Variants in FAM81B observed in about 807,000 individuals in gnomAD.
FAM81B encodes family with sequence similarity 81 member B, also known as protein FAM81B.
Under a neutral mutation model 58.7 loss-of-function variants are expected in FAM81B, and 60 were observed. The ratio of observed to expected loss-of-function variants is 1.02; its 90% CI spans 0.83 to 1.27. FAM81B has a LOEUF of 1.27. FAM81B is among the 50% of genes most tolerant of loss of function. The pLI is 0.00. For synonymous variants in FAM81B, 189 were observed against 179.6 expected (o/e 1.05, Z -0.42); for missense variants, 491 against 522.0 (o/e 0.94, Z 0.58).
chr5:95,418,507 T>G (rs1762594532), intron 4 of FAM81B, among the ~76,000 whole-genome samples: 1 of 152,200 alleles, frequency 6.6e-6, no homozygotes, highest in Admixed American at 6.5e-5. Flanking sequence ...CTGTCGCACT[T>G]CAAGCTACAA....
chr5:95,425,053 A>G (rs529992534), intron 5 of FAM81B, among the ~76,000 whole-genome samples: 7 of 152,072 alleles, frequency 4.6e-5, no homozygotes, highest in Non-Finnish European at 7.4e-5. Flanking sequence ...ACCAAATGAA[A>G]AGAGATAGTT....
In FAM81B at chr5:95,427,411, A is replaced by C. The variant is rs544707609; in HGVS notation, c.657-1192A>C. Among the ~76,000 whole-genome samples, 4 of 152,068 alleles carry C rather than the reference A, an allele frequency of 2.6e-5. No individual in the cohort carries two copies. In the South Asian group the frequency reaches 8.3e-4, roughly 32 times the overall value. On this transcript the variant is annotated intron_variant, in intron 5 of 9. Transcript: ENST00000283357. ...CCATTCTTGATCAGACTAATTCCTA[A>C]TTTTTTCTCCCAGCAGCTTCTTCAC... is the stretch of plus-strand genomic sequence containing the variant.
intron 7 of FAM81B, among the ~76,000 whole-genome samples, chr5:95,441,861 T>C (rs1745371917): frequency 6.6e-6 from 1 of 152,212 alleles, no homozygotes; most frequent in Non-Finnish European, 1.5e-5. Context: ...TACTTAGTTC[T>C]TACACAGCAA....
At chr5:95,440,118 T>G in intron 7 of FAM81B, 1 of 549,978 alleles carries the variant, frequency 1.8e-6, no homozygotes, top group Non-Finnish European at 3.5e-6. Flanking sequence ...TTAAGAAACA[T>G]CCACAGCAGA....
At chr5:95,413,801 C>G in intron 3 of FAM81B, 146 bp from the exon 4 acceptor site, 1 of 1,379,348 alleles carries the variant, frequency 7.2e-7, no homozygotes. Context: ...TCACCAAATT[C>G]TAACCATGGC....
At chr5:95,406,470 C>T (rs1024132260) in intron 3 of FAM81B, among the ~76,000 whole-genome samples, 5 of 152,194 alleles carry the variant, frequency 3.3e-5, no homozygotes, top group Non-Finnish European at 7.3e-5. Context: ...CCAAGCATGC[C>T]AGGCCTTTAT....
intron 4 of FAM81B, among the ~76,000 whole-genome samples, chr5:95,417,802 C>T (rs886810929): frequency 2.6e-5 from 4 of 152,148 alleles, no homozygotes; most frequent in Non-Finnish European, 5.9e-5. Context: ...GTATACAATC[C>T]ACTTTCACAT....
chr5:95,414,266 A>T (rs752902795), intron 4 of FAM81B, 76 bp downstream of exon 4: 2 of 1,448,630 alleles, frequency 1.4e-6, no homozygotes, highest in Non-Finnish European at 1.9e-6. Context: ...ATCAACCATC[A>T]GTGTCATTTT....
intron 6 of FAM81B, among the ~76,000 whole-genome samples, chr5:95,429,672 C>T (rs1744793764): frequency 6.6e-6 from 1 of 152,130 alleles, no homozygotes; most frequent in South Asian, 2.1e-4. Flanking sequence ...AATAACATGG[C>T]AATTTTATCT....
At chr5:95,434,601 T>C (rs1243190864) in intron 6 of FAM81B, among the ~76,000 whole-genome samples, 1 of 152,238 alleles carries the variant, frequency 6.6e-6, no homozygotes, top group Non-Finnish European at 1.5e-5. Context: ...GGTTTCAGAC[T>C]GAGGGCATGG....
chr5:95,406,676 C>T lies in FAM81B; in HGVS notation c.294-7271C>T, dbSNP rs553253973. The stretch of plus-strand genomic sequence containing the variant: ...CGGCATCCACAGCACCACCCACACA[C>T]GCACCAGTTTAAAATAGCCCCCACC... On this transcript the variant is annotated intron_variant, in intron 3 of 9. Coordinates refer to ENST00000283357, the MANE Select transcript of FAM81B (RefSeq NM_152548.3). Among the ~76,000 whole-genome samples, 304 of 152,272 alleles carry T rather than the reference C, an allele frequency of 2.0e-3. 2 individuals are homozygous for T. Among genetic ancestry groups the T allele is most frequent in the African/African-American group, 6.9e-3 (285 of 41,538 alleles).
chr5:95,427,406 T>C (rs986343775), intron 5 of FAM81B, among the ~76,000 whole-genome samples: 26 of 152,054 alleles, frequency 1.7e-4, no homozygotes, highest in African/African-American at 6.0e-4. Flanking sequence ...TCAGACTAAT[T>C]CCTAATTTTT....
chr5:95,404,933 G>A (rs1561293073), intron 3 of FAM81B, among the ~76,000 whole-genome samples: 1 of 152,180 alleles, frequency 6.6e-6, no homozygotes, highest in Non-Finnish European at 1.5e-5. Flanking sequence ...AAGAATGGGA[G>A]GAAATGAGGT....
At chr5:95,423,549 A>T (rs1250326320) in intron 5 of FAM81B, among the ~76,000 whole-genome samples, 1 of 34,674 alleles carries the variant, frequency 2.9e-5, no homozygotes, top group Non-Finnish European at 1.0e-4. Context: ...CATGTGGGTA[A>T]AAAAAAAAAA....
intron 3 of FAM81B, chr5:95,410,931 G>A (rs1762389118): frequency 6.6e-6 from 1 of 152,188 alleles, no homozygotes; most frequent in Non-Finnish European, 1.5e-5. Flanking sequence ...CAGAAATTCA[G>A]TGTACTAAGC....
At chr5:95,426,105 T>C (rs1762820550) in intron 5 of FAM81B, among the ~76,000 whole-genome samples, 1 of 132,382 alleles carries the variant, frequency 7.6e-6, no homozygotes, top group African/African-American at 2.9e-5. Flanking sequence ...TATATATATA[T>C]ATATATATAT....
At chr5:95,429,109 G>T (rs1744755219) in intron 6 of FAM81B, among the ~76,000 whole-genome samples, 1 of 152,108 alleles carries the variant, frequency 6.6e-6, no homozygotes, top group Non-Finnish European at 1.5e-5. Flanking sequence ...AATGTGAATT[G>T]TTCATGTTAC....
At chr5:95,439,793 T>A (rs1745260817) in intron 7 of FAM81B, among the ~76,000 whole-genome samples, 1 of 152,224 alleles carries the variant, frequency 6.6e-6, no homozygotes, top group South Asian at 2.1e-4. Flanking sequence ...GAATTCACTT[T>A]TTTTAAAGAA....
chr5:95,411,542 T>C (rs559226884), intron 3 of FAM81B, among the ~76,000 whole-genome samples: 2 of 152,272 alleles, frequency 1.3e-5, no homozygotes, highest in African/African-American at 2.4e-5. Context: ...CATAAAGAAA[T>C]AAGTCAAGAT....
Sources: gnomAD v4.1 joint callset for allele counts (sites outside exome capture counted in the v4.1 genomes callset) on GRCh38, gnomAD v4.1.1 for gene constraint, MANE v1.5 for transcripts, NCBI Gene and HGNC (gene_info 2026-07-23, HGNC 2026-07-21) for gene names.